The following FAM168B variants were observed in gnomAD, a reference collection of about 807,000 sequenced individuals.
FAM168B encodes myelin-associated neurite-outgrowth inhibitor.
FAM168B carries 19 observed loss-of-function variants against 21.8 expected under a neutral mutation model. The observed-to-expected ratio is 0.87, with a 90% CI of 0.61 to 1.28. The LOEUF (loss-of-function observed/expected upper bound fraction) is 1.28, where lower values mean the gene tolerates loss of function less well. Ranked by LOEUF, FAM168B falls within the 50% of genes most tolerant of loss-of-function variation. The probability of loss-of-function intolerance (pLI) is 0.00; values close to 1 mark genes in which losing one functional copy is unlikely to be tolerated. For synonymous variants in FAM168B, 126 were observed against 104.8 expected (o/e 1.20, Z -1.24); for missense variants, 233 against 263.1 (o/e 0.89, Z 0.79).
rs189285577 is a variant in FAM168B, at chr2:131,067,931, C to A, written c.154+3924G>T. On this transcript the variant is annotated intron_variant, in intron 3 of 6. Coordinates refer to ENST00000389915, the MANE Select transcript of FAM168B (RefSeq NM_001009993.4). ...GGGTGTGGTGGTTTATGCCTGTAAT[C>A]CCAACGCTTTGGGATGCTGCGTTGG... Among the ~76,000 whole-genome samples the A allele has an allele frequency of 3.3e-5, 5 of 152,256 alleles. No homozygotes were observed. The East Asian group carries it at 7.7e-4, about 24-fold the overall frequency.
At chr2:131,054,510 T>C (rs1691890858) in intron 5 of FAM168B, among the ~76,000 whole-genome samples, 1 of 152,180 alleles carries the variant, frequency 6.6e-6, no homozygotes, top group Admixed American at 6.5e-5. Flanking sequence ...GCACACATAA[T>C]AACCCGGAAT....
intron 2 of FAM168B, among the ~76,000 whole-genome samples, chr2:131,077,486 T>G (rs1011600645): frequency 6.6e-6 from 1 of 152,142 alleles, no homozygotes; most frequent in Non-Finnish European, 1.5e-5. Flanking sequence ...TCTCCCTAAT[T>G]CTACTTCCTC....
rs1330823687 is a variant in FAM168B, at chr2:131,052,978, G to A, written c.513C>T (p.Ala171=). 7 of 1,558,514 alleles carry A rather than the reference G, an allele frequency of 4.5e-6. No homozygotes were observed. In the East Asian group the frequency reaches 9.6e-5, roughly 21 times the overall value. Residue 171 remains alanine (A), a synonymous_variant, in exon 6 of 7, where the codon GCC becomes GCT. Transcript: ENST00000389915. ...LLTAHSPTPV[A]PHPVTVPTYR... is the part of the protein sequence containing the mutation. ...ACGTGGGCACAGTGACCGGGTGGGG[G>A]GCGACAGGAGTTGGGGAGTGAGCAG...
intron 1 of FAM168B, among the ~76,000 whole-genome samples, chr2:131,084,531 G>GT (rs1195317400): frequency 6.6e-6 from 1 of 151,698 alleles, no homozygotes; most frequent in Non-Finnish European, 1.5e-5. Flanking sequence ...AACTTGTTAA[G>GT]TTTTTTTTCC....
chr2:131,083,930 A>C (rs113510834), intron 1 of FAM168B, among the ~76,000 whole-genome samples: 1,552 of 151,792 alleles, frequency 0.01, 30 homozygotes, highest in African/African-American at 0.035. Context: ...TCCCAGACGG[A>C]GTCTCGCTCT....
intron 3 of FAM168B, among the ~76,000 whole-genome samples, chr2:131,062,540 C>T (rs963122619): frequency 2.6e-5 from 4 of 152,124 alleles, no homozygotes; most frequent in African/African-American, 4.8e-5. Flanking sequence ...CTCTGCCTCC[C>T]GGGTTCAAGC....
intron 3 of FAM168B, among the ~76,000 whole-genome samples, chr2:131,059,615 C>A (rs56273201): frequency 0.15 from 22,619 of 152,138 alleles, 1,847 homozygotes; most frequent in South Asian, 0.24. Context: ...CATAGAGCTA[C>A]CCTCTGTGTG....
chr2:131,066,765 G>A (rs1477887408), intron 3 of FAM168B, among the ~76,000 whole-genome samples: 1 of 152,188 alleles, frequency 6.6e-6, no homozygotes, highest in African/African-American at 2.4e-5. Context: ...AACTTTCCCA[G>A]GGAGTGACAC....
chr2:131,062,047 A>C (rs1692328082), intron 3 of FAM168B, among the ~76,000 whole-genome samples: 1 of 152,256 alleles, frequency 6.6e-6, no homozygotes, highest in African/African-American at 2.4e-5. Context: ...AGCTGTTAAA[A>C]GAAGTCAAAA....
intron 5 of FAM168B, 150 bp from the exon 6 acceptor site, chr2:131,053,165 G>A (rs755497622): frequency 4.8e-5 from 58 of 1,213,698 alleles, no homozygotes; most frequent in Non-Finnish European, 5.9e-5. Context: ...ACTCTGATTA[G>A]ATAATCCCCC....
In FAM168B at chr2:131,049,120, C is replaced by T; in HGVS notation, c.*3345G>A. Reference sequence around the variant, plus strand: ...CTTACATACCTTACGGGGGCCAACACTGACAGGTATTAGTACGTCGCAAGT... The same window carrying T: ...CTTACATACCTTACGGGGGCCAACATTGACAGGTATTAGTACGTCGCAAGT... On this transcript the variant is annotated 3_prime_UTR_variant, in exon 7 of 7. Coordinates refer to ENST00000389915, the MANE Select transcript of FAM168B (RefSeq NM_001009993.4). 2.0e-6 allele frequency: 2 copies of T among 985,474 alleles called. No homozygotes were observed. The highest frequency in any genetic ancestry group is 2.4e-6 in the Non-Finnish European group (2 of 829,938). 61.0% of individuals were successfully genotyped at this position (985,474 alleles called of 1,614,324 possible).
chr2:131,055,414 T>A lies in FAM168B; in HGVS notation c.333A>T (p.Ala111=), dbSNP rs775186050. ...GTYYTQPLYA[A]PPHVIHHTTV... Reference sequence around the variant, plus strand: ...TGGTGTGGTGGATGACGTGAGGAGGTGCTGCATACAGCGGCTGTGTGTAGT... The same window carrying A: ...TGGTGTGGTGGATGACGTGAGGAGGAGCTGCATACAGCGGCTGTGTGTAGT... Residue 111 remains alanine, a synonymous_variant, in exon 5 of 7, where the codon GCA becomes GCT. Coordinates refer to ENST00000389915, the MANE Select transcript of FAM168B (RefSeq NM_001009993.4). The A allele has an allele frequency of 6.2e-7, 1 of 1,609,392 alleles. No individual in the cohort carries two copies. The highest frequency in any genetic ancestry group is 8.5e-7 in the Non-Finnish European group (1 of 1,178,398).
At chr2:131,090,887 G>A (rs565173986) in intron 1 of FAM168B, among the ~76,000 whole-genome samples, 41 of 152,140 alleles carry the variant, frequency 2.7e-4, no homozygotes, top group African/African-American at 9.2e-4. Flanking sequence ...CTGCCACCAT[G>A]CCCGGCTAAT....
intron 3 of FAM168B, among the ~76,000 whole-genome samples, chr2:131,068,493 T>C (rs1692689315): frequency 1.3e-5 from 2 of 152,166 alleles, no homozygotes; most frequent in South Asian, 4.1e-4. Flanking sequence ...ATTTCACAGC[T>C]TCTCCTACAA....
chr2:131,055,781 G>GT, intron 3 of FAM168B, 86 bp from the exon 4 acceptor site: 1 of 1,508,760 alleles, frequency 6.6e-7, no homozygotes, highest in Non-Finnish European at 8.9e-7. Context: ...GCTAAGCTGC[G>GT]TGTCAGCCCC....
intron 3 of FAM168B, among the ~76,000 whole-genome samples, chr2:131,067,820 T>C (rs1445259472): frequency 6.6e-6 from 1 of 152,152 alleles, no homozygotes; most frequent in African/African-American, 2.4e-5. Flanking sequence ...TCTTTTAAAT[T>C]TTTTATACTG....
At chr2:131,072,371 G>A (rs905398641) in intron 2 of FAM168B, among the ~76,000 whole-genome samples, 5 of 151,854 alleles carry the variant, frequency 3.3e-5, no homozygotes, top group Non-Finnish European at 2.9e-5. Context: ...TGATCCACCC[G>A]CCTCGGCCTC....
At chr2:131,064,245 T>C (rs1046122980) in intron 3 of FAM168B, among the ~76,000 whole-genome samples, 5 of 152,150 alleles carry the variant, frequency 3.3e-5, no homozygotes, top group African/African-American at 1.2e-4. Context: ...ATTTTTTTTT[T>C]CAAAAGTACT....
chr2:131,060,648 AG>A (rs1466627279), intron 3 of FAM168B, among the ~76,000 whole-genome samples: 1 of 152,310 alleles, frequency 6.6e-6, no homozygotes, highest in African/African-American at 2.4e-5. Context: ...GACAGGCAAA[AG>A]CACACCTCAC....
Sources: gnomAD v4.1 joint callset for allele counts (sites outside exome capture counted in the v4.1 genomes callset) on GRCh38, gnomAD v4.1.1 for gene constraint, MANE v1.5 for transcripts, NCBI Gene and HGNC (gene_info 2026-07-23, HGNC 2026-07-21) for gene names.